The following RALYL variants were observed in gnomAD, a reference collection of about 807,000 sequenced individuals.
RALYL encodes RALY RNA binding protein like, also known as RNA-binding Raly-like protein.
A neutral mutation model predicts 35.1 loss-of-function variants in RALYL; 29 were observed. The observed-to-expected ratio is 0.83, with a 90% CI of 0.61 to 1.13. The LOEUF (loss-of-function observed/expected upper bound fraction) is 1.13. Ranked by LOEUF, RALYL falls within the 50% of genes most tolerant of loss-of-function variation. RALYL has a pLI of 0.00. For missense variants in RALYL, 359 were observed against 360.4 expected, an observed-to-expected ratio of 1.00 and a Z score of 0.03; for synonymous variants, 120 against 127.6, an observed-to-expected ratio of 0.94 and a Z score of 0.40.
At chr8:84,526,774 GA>G (rs2058931689) in intron 1 of RALYL, among the ~76,000 whole-genome samples, 1 of 152,090 alleles carries the variant, frequency 6.6e-6, no homozygotes, top group Admixed American at 6.6e-5. Flanking sequence ...CCACTCCACG[GA>G]CACTGCTCTA....
At chr8:84,432,353 A>G (rs1393460729) in intron 1 of RALYL, among the ~76,000 whole-genome samples, 1 of 152,138 alleles carries the variant, frequency 6.6e-6, no homozygotes, top group Admixed American at 6.6e-5. Flanking sequence ...CAGAGAATAG[A>G]ATGGTGGTTG....
intron 1 of RALYL, among the ~76,000 whole-genome samples, chr8:84,262,490 A>G (rs1832499904): frequency 6.6e-6 from 1 of 152,170 alleles, no homozygotes; most frequent in Non-Finnish European, 1.5e-5. Context: ...CTGTAAATAA[A>G]AAGTGAATAA....
intron 1 of RALYL, among the ~76,000 whole-genome samples, chr8:84,380,473 G>A (rs1857756441): frequency 4.6e-5 from 7 of 151,824 alleles, no homozygotes; most frequent in Admixed American, 4.6e-4. Flanking sequence ...TTCCACCTGA[G>A]TTTACTAGGT....
At chr8:84,710,950 G>A (rs1183637594) in intron 2 of RALYL, among the ~76,000 whole-genome samples, 2 of 152,134 alleles carry the variant, frequency 1.3e-5, no homozygotes, top group African/African-American at 4.8e-5. Context: ...GAAAAATAAA[G>A]CAAGTAAGGG....
intron 2 of RALYL, among the ~76,000 whole-genome samples, chr8:84,683,577 A>G (rs1451514686): frequency 6.6e-6 from 1 of 152,144 alleles, no homozygotes; most frequent in African/African-American, 2.4e-5. Flanking sequence ...GTTGAAAGAT[A>G]CCAGATTTGC....
At chr8:84,224,908 G>A (rs1250476406) in intron 1 of RALYL, among the ~76,000 whole-genome samples, 1 of 152,126 alleles carries the variant, frequency 6.6e-6, no homozygotes, top group Non-Finnish European at 1.5e-5. Context: ...GCCTGCCTTG[G>A]CCTCCCAAAG....
chr8:84,263,185 G>C (rs1187434123), intron 1 of RALYL, among the ~76,000 whole-genome samples: 3 of 152,158 alleles, frequency 2.0e-5, no homozygotes. Flanking sequence ...AAAGTTCTAA[G>C]TAAATATTTG....
At chr8:84,277,286 T>G (rs1835583239) in intron 1 of RALYL, among the ~76,000 whole-genome samples, 1 of 152,094 alleles carries the variant, frequency 6.6e-6, no homozygotes, top group Non-Finnish European at 1.5e-5. Flanking sequence ...GAGCTCCCAT[T>G]TATAAAACCA....
At chr8:84,238,266 G>A (rs1827056668) in intron 1 of RALYL, among the ~76,000 whole-genome samples, 1 of 151,964 alleles carries the variant, frequency 6.6e-6, no homozygotes, top group Non-Finnish European at 1.5e-5. Context: ...TTTCTTTGAT[G>A]ATGTCCAGAA....
Position 84,820,381 on chromosome 8 carries a change from T to G in RALYL, c.365+15579T>G, listed in dbSNP as rs555071253. Among the ~76,000 whole-genome samples, 5 of 152,298 alleles carry G rather than the reference T, an allele frequency of 3.3e-5. No individual in the cohort carries two copies. The East Asian group carries it at 9.6e-4, about 29-fold the overall frequency. On this transcript the variant is annotated intron_variant, in intron 4 of 8. Transcript: ENST00000521268. ...ATCAGTAAACTTGACATGCATAAGC[T>G]CTCACTCATGGGAAAGAACTAACCT...
intron 3 of RALYL, among the ~76,000 whole-genome samples, chr8:84,789,952 T>A (rs1409986856): frequency 4.6e-5 from 7 of 152,208 alleles, no homozygotes; most frequent in African/African-American, 1.7e-4. Context: ...ATAAGTAATA[T>A]CAGGTATCCA....
chr8:84,656,758 T>C (rs1202124256), intron 2 of RALYL, among the ~76,000 whole-genome samples: 2 of 152,102 alleles, frequency 1.3e-5, no homozygotes, highest in African/African-American at 4.8e-5. Context: ...TAAATATACT[T>C]GAAATATATA....
intron 2 of RALYL, among the ~76,000 whole-genome samples, chr8:84,647,451 G>A (rs1300990284): frequency 6.6e-6 from 1 of 152,078 alleles, no homozygotes; most frequent in African/African-American, 2.4e-5. Flanking sequence ...AGAAATTGGA[G>A]AAGGTGGTAT....
chr8:84,862,879 T>C (rs1838401672), intron 6 of RALYL, among the ~76,000 whole-genome samples: 1 of 152,156 alleles, frequency 6.6e-6, no homozygotes, highest in Non-Finnish European at 1.5e-5. Flanking sequence ...AGGCAAACTA[T>C]AGAGATGTTA....
intron 1 of RALYL, among the ~76,000 whole-genome samples, chr8:84,266,163 A>C (rs1021870224): frequency 1.3e-5 from 2 of 151,990 alleles, no homozygotes; most frequent in African/African-American, 4.8e-5. Flanking sequence ...TTACCTAGCC[A>C]ACTTGGCTCC....
intron 1 of RALYL, among the ~76,000 whole-genome samples, chr8:84,353,206 G>A (rs577272879): frequency 6.7e-6 from 1 of 149,956 alleles, no homozygotes; most frequent in South Asian, 2.1e-4. Flanking sequence ...GGACTGTTTC[G>A]AGGTGCTGGG....
intron 1 of RALYL, among the ~76,000 whole-genome samples, chr8:84,231,301 G>A (rs1036991929): frequency 4.6e-5 from 7 of 152,200 alleles, no homozygotes; most frequent in Non-Finnish European, 1.0e-4. Flanking sequence ...GGGGAAAAGT[G>A]TAGTTTTCAA....
rs1831840508 is a variant in RALYL at position 84,259,642 on chromosome 8, A to G, written c.-24+75218A>G. 2.0e-5 allele frequency among the ~76,000 whole-genome samples: 3 copies of G among 152,288 alleles called. 1 individual carries two copies. In the South Asian group the frequency reaches 6.2e-4, roughly 32 times the overall value. On this transcript the variant is annotated intron_variant, in intron 1 of 8. Coordinates refer to ENST00000521268, the MANE Select transcript of RALYL (RefSeq NM_173848.7). ...TAGTGATTCAAATATTCATTAAATAATATGTTTTTCCTGATTATGCTTGTA... is the reference window on the plus strand; with the variant it reads ...TAGTGATTCAAATATTCATTAAATAGTATGTTTTTCCTGATTATGCTTGTA...
chr8:84,506,177 C>T lies in RALYL; in HGVS notation c.-23-23122C>T, dbSNP rs1047572782. 7.2e-5 allele frequency among the ~76,000 whole-genome samples: 11 copies of T among 152,072 alleles called. No individual in the cohort carries two copies. In the South Asian group the frequency reaches 2.3e-3, roughly 32 times the overall value. ...GTAATATTTTCAGTGTTACAGCTAC[C>T]CAGGTTTTATAATAATTGCCTTCAT... is the stretch of plus-strand genomic sequence containing the variant. On this transcript the variant is annotated intron_variant, in intron 1 of 8. Transcript: ENST00000521268.
Sources: allele counts gnomAD v4.1 joint callset (sites outside exome capture counted in the v4.1 genomes callset), GRCh38; gene constraint gnomAD v4.1.1; transcripts MANE v1.5; gene names NCBI Gene and HGNC (gene_info 2026-07-23, HGNC 2026-07-21).